The following YES1 variants were observed in gnomAD, a reference collection of about 807,000 sequenced individuals.
YES1 encodes the protein tyrosine-protein kinase Yes.
In YES1, 39 loss-of-function variants were observed where a neutral mutation model predicts 70.4. The ratio of observed to expected loss-of-function variants is 0.55; its 90% CI spans 0.43 to 0.72. YES1 has a LOEUF of 0.72. Ranked by LOEUF, YES1 falls within the 30% of genes least tolerant of loss-of-function variation. The pLI is 0.00. For synonymous variants in YES1, 198 were observed against 218.6 expected (o/e 0.91, Z 0.83); for missense variants, 495 against 644.8 (o/e 0.77, Z 2.52).
chr18:723,005 T>G lies in YES1; in HGVS notation c.*1419A>C, dbSNP rs540771883. On this transcript the variant is annotated 3_prime_UTR_variant, in exon 12 of 12. Transcript: ENST00000314574. ...TACTCGGGAGGCTGAGGCAGGAGAA[T>G]GGTGTGAACCTGGGAGGCAGAGCTT... 4 of 152,208 alleles carry G rather than the reference T, an allele frequency of 2.6e-5. No individual in the cohort carries two copies. The highest frequency in any genetic ancestry group is 4.2e-4 in the South Asian group (2 of 4,814). 9.4% of individuals were successfully genotyped at this position (152,208 alleles called of 1,614,324 possible). A position where few individuals can be genotyped will look rare whatever the true frequency, so the allele number is the denominator to read the frequency against.
chr18:742,766 CT>C (rs2080230384), intron 8 of YES1, 151 bp downstream of exon 8: 1 of 523,300 alleles, frequency 1.9e-6, no homozygotes, highest in Non-Finnish European at 3.1e-6. Context: ...TGGATAATCA[CT>C]ATTCCATTAA....
At chr18:779,949 A>AGAGGCTG (rs1281708824) in intron 1 of YES1, among the ~76,000 whole-genome samples, 2 of 151,894 alleles carry the variant, frequency 1.3e-5, no homozygotes, top group East Asian at 3.9e-4. Context: ...GAGAGACTAA[A>AGAGGCTG]GAGGCTGGGT....
At chr18:775,005 C>T (rs1905307367) in intron 1 of YES1, 1 of 152,186 alleles carries the variant, frequency 6.6e-6, no homozygotes, top group Non-Finnish European at 1.5e-5. Context: ...CAGTTAAGAG[C>T]ATAGAGGTCA....
chr18:782,699 A>T (rs1905734714), intron 1 of YES1, among the ~76,000 whole-genome samples: 1 of 152,174 alleles, frequency 6.6e-6, no homozygotes, highest in Admixed American at 6.5e-5. Flanking sequence ...TTCTAATTTT[A>T]ACTTTCTGAA....
At position 745,691 on chromosome 18, in the gene YES1, T is replaced by C; in HGVS notation, c.724+17A>G. 1.3e-6 allele frequency: 2 copies of C among 1,582,800 alleles called. No individual in the cohort carries two copies. Among genetic ancestry groups the C allele is most frequent in the Non-Finnish European group, 8.5e-7 (1 of 1,169,642 alleles). ...GAATATGAAGAAATAATTTTTACCT[T>C]TGAAATATTCACATACCTGTGTAGT... On this transcript the variant is annotated intron_variant, in intron 6 of 11. Coordinates refer to ENST00000314574, the MANE Select transcript of YES1 (RefSeq NM_005433.4).
intron 1 of YES1, among the ~76,000 whole-genome samples, chr18:757,637 A>G (rs1231144445): frequency 1.3e-5 from 2 of 151,982 alleles, no homozygotes; most frequent in African/African-American, 4.8e-5. Context: ...CCTGGCCAAC[A>G]CAGTGAAACT....
chr18:756,255 T>C (rs1202844854), intron 2 of YES1, among the ~76,000 whole-genome samples: 1 of 146,994 alleles, frequency 6.8e-6, no homozygotes, highest in Non-Finnish European at 1.5e-5. Context: ...TATATGTTTT[T>C]AATCTTTATG....
At chr18:790,465 C>A (rs1352803218) in intron 1 of YES1, among the ~76,000 whole-genome samples, 1 of 152,118 alleles carries the variant, frequency 6.6e-6, no homozygotes, top group East Asian at 1.9e-4. Context: ...ATTACCTTTT[C>A]TTTTAATTTC....
At chr18:753,491 A>AT (rs1213664575) in intron 2 of YES1, among the ~76,000 whole-genome samples, 1 of 151,794 alleles carries the variant, frequency 6.6e-6, no homozygotes, top group African/African-American at 2.4e-5. Context: ...TCAAAAAAAA[A>AT]TTTTTTCTTT....
chr18:779,984 A>C (rs910163415), intron 1 of YES1, among the ~76,000 whole-genome samples: 1 of 150,882 alleles, frequency 6.6e-6, no homozygotes, highest in Non-Finnish European at 1.5e-5. Context: ...CTGTAATCCC[A>C]GCACTTTGGG....
intron 1 of YES1, among the ~76,000 whole-genome samples, chr18:771,487 A>G (rs1038522285): frequency 1.3e-5 from 2 of 152,232 alleles, no homozygotes; most frequent in African/African-American, 4.8e-5. Context: ...AAATAAATTA[A>G]CATTTTAAGT....
Position 742,957 on chromosome 18 carries a change from C to A in YES1, c.1021G>T (p.Glu341Ter). The A allele has an allele frequency of 6.2e-7, 1 of 1,601,136 alleles. No homozygotes were observed. Among genetic ancestry groups the A allele is most frequent in the Non-Finnish European group, 8.5e-7 (1 of 1,176,988 alleles). The change falls in exon 8 of 12, where the codon GAA (glutamate) becomes TAA (stop). Residue 341 changes from glutamate to a stop codon, truncating the protein, a stop_gained. Coordinates refer to ENST00000314574, the MANE Select transcript of YES1 (RefSeq NM_005433.4). LOFTEE classifies it high-confidence loss of function. ...TCAGTGACAATGTAAATTGGTTCTT[C>A]AGAAACAACAGCATATAGTGGAACA... ...KLVPLYAVVS[E>*]EPIYIVTEFM...
At chr18:726,866 C>T (rs933482110) in intron 11 of YES1, among the ~76,000 whole-genome samples, 8 of 146,384 alleles carry the variant, frequency 5.5e-5, no homozygotes, top group African/African-American at 2.0e-4. Flanking sequence ...GGATTTCATA[C>T]CTGTTAGCAT....
chr18:772,887 C>T lies in YES1; in HGVS notation c.-8-16052G>A, dbSNP rs948182179. Among the ~76,000 whole-genome samples the T allele has an allele frequency of 4.6e-5, 7 of 152,142 alleles. No individual in the cohort carries two copies. The East Asian group carries it at 1.3e-3, about 29-fold the overall frequency. ...TCTATCTTCCACAGCACTTTAATTG[C>T]CTGTTTCTGAGTTTGCATTTGCATG... is the stretch of plus-strand genomic sequence containing the variant. On this transcript the variant is annotated intron_variant, in intron 1 of 11. Transcript: ENST00000314574.
At position 721,719 on chromosome 18, in the gene YES1, A is replaced by G. The variant is rs1288923635; in HGVS notation, c.*2705T>C. 1 of 152,244 alleles carries G rather than the reference A, an allele frequency of 6.6e-6. No individual in the cohort carries two copies. Among genetic ancestry groups the G allele is most frequent in the Non-Finnish European group, 1.5e-5 (1 of 68,030 alleles). The allele number at this position is 152,244 out of a possible 1,614,324, so 9.4% of individuals were successfully genotyped here. A position where few individuals can be genotyped will look rare whatever the true frequency, so the allele number is the denominator to read the frequency against. On this transcript the variant is annotated 3_prime_UTR_variant, in exon 12 of 12. Transcript: ENST00000314574. ...ATCAGTTTTTAAAAAACGAATGAGA[A>G]TATGAATAGCAACTAAAACGATTAA...
chr18:765,564 A>C (rs1163089197), intron 1 of YES1, among the ~76,000 whole-genome samples: 1 of 151,514 alleles, frequency 6.6e-6, no homozygotes, highest in Admixed American at 6.6e-5. Context: ...ACACCCAGCT[A>C]ATTTTTTGTA....
intron 1 of YES1, among the ~76,000 whole-genome samples, chr18:799,077 CCAGTTT>C (rs1906686928): frequency 6.6e-6 from 1 of 152,200 alleles, no homozygotes; most frequent in Non-Finnish European, 1.5e-5. Flanking sequence ...GTTGGACTAA[CCAGTTT>C]GCTTTATACC....
chr18:740,335 G>C (rs551936026), intron 8 of YES1, among the ~76,000 whole-genome samples: 1 of 152,314 alleles, frequency 6.6e-6, no homozygotes, highest in South Asian at 2.1e-4. Context: ...TTATAATCAA[G>C]AGAAAACATC....
In YES1 at chr18:799,399, G is replaced by C. The variant is rs1906704563; in HGVS notation, c.-9+12715C>G. On this transcript the variant is annotated intron_variant, in intron 1 of 11. Transcript: ENST00000314574. ...TGTAATATAAGAGGAACTAATGTGT[G>C]CCAGAGTTTTTAAGAAGTATGGTTG... 2.0e-5 allele frequency among the ~76,000 whole-genome samples: 3 copies of C among 152,186 alleles called. 1 individual carries two copies. The South Asian group carries it at 6.2e-4, about 32-fold the overall frequency.
Sources: gnomAD v4.1 joint callset for allele counts (sites outside exome capture counted in the v4.1 genomes callset) on GRCh38, gnomAD v4.1.1 for gene constraint, MANE v1.5 for transcripts, NCBI Gene and HGNC (gene_info 2026-07-23, HGNC 2026-07-21) for gene names.